The following SLCO3A1 variants were observed in gnomAD, a reference collection of about 807,000 sequenced individuals.
The protein encoded by SLCO3A1 is solute carrier organic anion transporter family member 3A1, also known as PGE1 transporter.
Under a neutral mutation model 63.1 loss-of-function variants are expected in SLCO3A1, and 27 were observed. The observed-to-expected ratio is 0.43, with a 90% CI of 0.32 to 0.59. The LOEUF (loss-of-function observed/expected upper bound fraction) is 0.59. Among genes scored for constraint, SLCO3A1 ranks in the 20% least tolerant of loss-of-function variants. The pLI is 0.09. For missense variants in SLCO3A1, 773 were observed against 945.8 expected, an observed-to-expected ratio of 0.82 and a Z score of 2.40; for synonymous variants, 473 against 409.9, an observed-to-expected ratio of 1.15 and a Z score of -1.86.
intron 1 of SLCO3A1, among the ~76,000 whole-genome samples, chr15:91,896,056 T>C (rs1032076983): frequency 3.9e-5 from 6 of 152,216 alleles, no homozygotes; most frequent in African/African-American, 1.4e-4. Flanking sequence ...CAGTTCTCAA[T>C]GTTTGTGTCT....
chr15:91,861,081 A>C (rs915443888), intron 1 of SLCO3A1, among the ~76,000 whole-genome samples: 1 of 152,232 alleles, frequency 6.6e-6, no homozygotes, highest in Non-Finnish European at 1.5e-5. Context: ...TCAGTGAATC[A>C]GGTGGCAGTG....
chr15:92,035,654 T>C (rs1230702075), intron 2 of SLCO3A1, among the ~76,000 whole-genome samples: 3 of 151,738 alleles, frequency 2.0e-5, no homozygotes, highest in African/African-American at 7.2e-5. Flanking sequence ...AAGTGGCTTT[T>C]AACACCCGTG....
chr15:91,911,204 A>G (rs1283418253), intron 1 of SLCO3A1, among the ~76,000 whole-genome samples: 3 of 152,206 alleles, frequency 2.0e-5, no homozygotes, highest in Non-Finnish European at 2.9e-5. Context: ...CATTTCCCAC[A>G]TGAGGAGACA....
At chr15:92,040,937 C>T (rs959398963) in intron 2 of SLCO3A1, among the ~76,000 whole-genome samples, 12 of 152,098 alleles carry the variant, frequency 7.9e-5, no homozygotes, top group African/African-American at 2.7e-4. Context: ...AAGATTGATT[C>T]GGTTTGAGCA....
chr15:92,088,043 T>G (rs921241500), intron 2 of SLCO3A1, among the ~76,000 whole-genome samples: 2 of 152,118 alleles, frequency 1.3e-5, no homozygotes, highest in African/African-American at 4.8e-5. Context: ...GCAGAGGGAC[T>G]TGGGGAAAGA....
intron 7 of SLCO3A1, among the ~76,000 whole-genome samples, chr15:92,130,317 G>A (rs963358753): frequency 6.6e-5 from 10 of 152,244 alleles, no homozygotes; most frequent in Non-Finnish European, 8.8e-5. Flanking sequence ...GCTTACCTCT[G>A]GACCTACTGT....
chr15:91,963,418 G>C lies in SLCO3A1; in HGVS notation c.646+46960G>C, dbSNP rs1368154177. On this transcript the variant is annotated intron_variant, in intron 2 of 9. Coordinates refer to ENST00000318445, the MANE Select transcript of SLCO3A1 (RefSeq NM_013272.4). ...TTAACTCGGGGAGGGTGGGGGGGGG[G>C]GGCGGCAGCAGCCTGGGGCTGATTA... Among the ~76,000 whole-genome samples, 217 of 130,676 alleles carry C rather than the reference G, an allele frequency of 1.7e-3. 1 individual carries two copies. The highest frequency in any genetic ancestry group is 2.8e-3 in the Non-Finnish European group (169 of 61,032). The allele number at this position is 130,676 out of a possible 152,430, so 85.7% of individuals were successfully genotyped here. A position where few individuals can be genotyped will look rare whatever the true frequency, so the allele number is the denominator to read the frequency against.
At position 91,985,170 on chromosome 15, in the gene SLCO3A1, C is replaced by A. The variant is rs117374331; in HGVS notation, c.646+68712C>A. ...CCCAAAGTAACCTCTCTTTTGATAT[C>A]TGTTACCTTTTATTACTTTTGCCTG... On this transcript the variant is annotated intron_variant, in intron 2 of 9. Transcript: ENST00000318445. 8.6e-4 allele frequency among the ~76,000 whole-genome samples: 131 copies of A among 152,286 alleles called. No homozygotes were observed. The East Asian group carries it at 0.014, about 16-fold the overall frequency.
intron 9 of SLCO3A1, chr15:92,157,070 C>T (rs566557033): frequency 9.8e-5 from 15 of 152,296 alleles, no homozygotes; most frequent in African/African-American, 3.4e-4. Context: ...TATATAGCTG[C>T]AATTTAAGCC....
At chr15:92,065,985 G>T (rs1025494242) in intron 2 of SLCO3A1, among the ~76,000 whole-genome samples, 3 of 152,252 alleles carry the variant, frequency 2.0e-5, no homozygotes, top group Admixed American at 2.0e-4. Context: ...TCCTTAGATG[G>T]AAAGTAGTGA....
intron 2 of SLCO3A1, among the ~76,000 whole-genome samples, chr15:91,982,446 T>C (rs2045999716): frequency 6.6e-6 from 1 of 152,250 alleles, no homozygotes; most frequent in South Asian, 2.1e-4. Context: ...GTTCATAAGA[T>C]TGATCTCCAG....
chr15:92,080,962 G>GTGTGTGTGTGTGTGTT, intron 2 of SLCO3A1, among the ~76,000 whole-genome samples: 1 of 151,108 alleles, frequency 6.6e-6, no homozygotes, highest in Non-Finnish European at 1.5e-5. Context: ...GTGTGTGTGT[G>GTGTGTGTGTGTGTGTT]TGTGTGTGTG....
chr15:91,931,496 A>T (rs1403412991), intron 2 of SLCO3A1, among the ~76,000 whole-genome samples: 3 of 149,482 alleles, frequency 2.0e-5, no homozygotes, highest in Non-Finnish European at 3.0e-5. Context: ...TTTGAGACAG[A>T]GTCTCGCTCT....
chr15:91,857,238 G>C (rs1415966679), intron 1 of SLCO3A1, among the ~76,000 whole-genome samples: 5 of 152,086 alleles, frequency 3.3e-5, no homozygotes, highest in African/African-American at 1.2e-4. Flanking sequence ...TTTTGCCTTG[G>C]TGTCAGGCAG....
chr15:91,903,917 T>C (rs933608479), intron 1 of SLCO3A1, among the ~76,000 whole-genome samples: 1 of 152,068 alleles, frequency 6.6e-6, no homozygotes, highest in African/African-American at 2.4e-5. Flanking sequence ...GGATGAGGAT[T>C]GGGTGTGCTT....
At chr15:92,016,534 G>T (rs1381046299) in intron 2 of SLCO3A1, among the ~76,000 whole-genome samples, 1 of 152,188 alleles carries the variant, frequency 6.6e-6, no homozygotes, top group Non-Finnish European at 1.5e-5. Flanking sequence ...TATGGCCTTT[G>T]TAAGTTGACA....
chr15:92,051,988 CA>C (rs1455063209), intron 2 of SLCO3A1, among the ~76,000 whole-genome samples: 1 of 152,128 alleles, frequency 6.6e-6, no homozygotes, highest in Non-Finnish European at 1.5e-5. Context: ...CTTTAAAGAC[CA>C]AATGACACAG....
At position 91,894,730 on chromosome 15, in the gene SLCO3A1, T is replaced by C. The variant is rs1027560857; in HGVS notation, c.181-21263T>C. Reference sequence around the variant, plus strand: ...GCAGGGTCTGAGATTTTTGAATTTCTAAAAGGCTCTCTGGTGATGTCAGCT... The same window carrying C: ...GCAGGGTCTGAGATTTTTGAATTTCCAAAAGGCTCTCTGGTGATGTCAGCT... On this transcript the variant is annotated intron_variant, in intron 1 of 9. Coordinates refer to ENST00000318445, the MANE Select transcript of SLCO3A1 (RefSeq NM_013272.4). The surrounding 1 kb of genome is among the most constrained non-coding windows in gnomAD (Gnocchi z 4.8). 3.9e-5 allele frequency among the ~76,000 whole-genome samples: 6 copies of C among 152,208 alleles called. No homozygotes were observed. Among genetic ancestry groups the C allele is most frequent in the African/African-American group, 1.4e-4 (6 of 41,444 alleles).
At chr15:92,064,188 CCTCCCCTT>C (rs1400578750) in intron 2 of SLCO3A1, among the ~76,000 whole-genome samples, 1 of 152,206 alleles carries the variant, frequency 6.6e-6, no homozygotes, top group Non-Finnish European at 1.5e-5. Flanking sequence ...GCTTCGAGGT[CCTCCCCTT>C]CTCCCCTTCT....
Sources: gnomAD v4.1 joint callset for allele counts (sites outside exome capture counted in the v4.1 genomes callset) on GRCh38, gnomAD v4.1.1 for gene constraint, Gnocchi (gnomAD v3.1) non-coding constraint, MANE v1.5 for transcripts, NCBI Gene and HGNC (gene_info 2026-07-23, HGNC 2026-07-21) for gene names.